The following CORO2A variants were observed in gnomAD, a reference collection of about 807,000 sequenced individuals.
CORO2A encodes coronin-2A.
In CORO2A, 47 loss-of-function variants were observed where a neutral mutation model predicts 62.4. The ratio of observed to expected loss-of-function variants is 0.75; its 90% CI spans 0.60 to 0.96. CORO2A has a LOEUF of 0.96. Ranked by LOEUF, CORO2A falls within the 40% of genes least tolerant of loss-of-function variation. The probability of loss-of-function intolerance (pLI) is 0.00; values close to 1 mark genes in which losing one functional copy is unlikely to be tolerated. For missense variants in CORO2A, 610 were observed against 684.1 expected, an observed-to-expected ratio of 0.89 and a Z score of 1.21; for synonymous variants, 273 against 268.9, an observed-to-expected ratio of 1.02 and a Z score of -0.15.
In CORO2A at chr9:98,134,881, G is replaced by C. The variant is rs777743903; in HGVS notation, c.393C>G (p.His131Gln). The C allele has an allele frequency of 2.5e-6, 4 of 1,614,144 alleles. No individual in the cohort carries two copies. The Admixed American group carries it at 6.7e-5, about 27-fold the overall frequency. The change falls in exon 4 of 12, where the codon CAC (histidine) becomes CAG (glutamine). Residue 131 changes from histidine (H) to glutamine (Q), a missense_variant. Transcript: ENST00000375077. ...LTAYRKELVG[H>Q]ARRVGLVEWH... ...ACTCCACCAGGCCTACTCTGCGCGC[G>C]TGGCCCACGAGTTCCTTCCTGTAGG... is the stretch of plus-strand genomic sequence containing the variant.
chr9:98,183,668 C>A (rs1388088334), intron 1 of CORO2A, among the ~76,000 whole-genome samples: 5 of 152,112 alleles, frequency 3.3e-5, no homozygotes, highest in African/African-American at 1.2e-4. Context: ...TTTAAAAATA[C>A]AGTACAATGG....
At chr9:98,187,721 C>A (rs1326648602) in intron 1 of CORO2A, among the ~76,000 whole-genome samples, 1 of 152,148 alleles carries the variant, frequency 6.6e-6, no homozygotes, top group Non-Finnish European at 1.5e-5. Flanking sequence ...AAAGCCCCAC[C>A]TCTTAATACC....
At chr9:98,139,691 G>A (rs959499297) in intron 2 of CORO2A, among the ~76,000 whole-genome samples, 3 of 152,214 alleles carry the variant, frequency 2.0e-5, no homozygotes, top group Non-Finnish European at 2.9e-5. Flanking sequence ...AGCTACTTGG[G>A]AGGCTGAGGT....
chr9:98,134,267 G>C (rs1271952309), intron 4 of CORO2A, among the ~76,000 whole-genome samples: 1 of 152,186 alleles, frequency 6.6e-6, no homozygotes, highest in African/African-American at 2.4e-5. Flanking sequence ...CTCCTGTACT[G>C]TGGGTCCCAA....
intron 1 of CORO2A, among the ~76,000 whole-genome samples, chr9:98,190,015 G>A (rs1828287143): frequency 6.6e-6 from 1 of 152,128 alleles, no homozygotes; most frequent in African/African-American, 2.4e-5. Context: ...CTCCCGAGTA[G>A]CTGGGATTAC....
intron 3 of CORO2A, among the ~76,000 whole-genome samples, chr9:98,137,339 T>A (rs911180635): frequency 1.6e-4 from 24 of 152,220 alleles, no homozygotes; most frequent in African/African-American, 5.1e-4. Flanking sequence ...GGAACTATTA[T>A]GCCCATTTTA....
intron 2 of CORO2A, among the ~76,000 whole-genome samples, chr9:98,150,536 C>G (rs1425001609): frequency 6.6e-6 from 1 of 152,206 alleles, no homozygotes; most frequent in Non-Finnish European, 1.5e-5. Context: ...CCCAGACCAT[C>G]CTGCCTAAAC....
intron 1 of CORO2A, among the ~76,000 whole-genome samples, chr9:98,168,273 C>A (rs1827987600): frequency 6.6e-6 from 1 of 152,254 alleles, no homozygotes; most frequent in Admixed American, 6.5e-5. Context: ...GAACAAAGTT[C>A]TGATGGACAG....
chr9:98,153,286 A>G (rs531031993), intron 2 of CORO2A, among the ~76,000 whole-genome samples: 1 of 152,234 alleles, frequency 6.6e-6, no homozygotes, highest in Admixed American at 6.5e-5. Context: ...TTTTTAGTAG[A>G]GACGGAGTTT....
At chr9:98,166,398 T>C (rs1282363619) in intron 1 of CORO2A, among the ~76,000 whole-genome samples, 2 of 152,216 alleles carry the variant, frequency 1.3e-5, no homozygotes, top group African/African-American at 4.8e-5. Flanking sequence ...TGTGTGTATT[T>C]AAGGATACTA....
intron 1 of CORO2A, among the ~76,000 whole-genome samples, chr9:98,172,275 T>A (rs1828047747): frequency 1.7e-5 from 2 of 118,942 alleles, no homozygotes; most frequent in Non-Finnish European, 1.7e-5. Flanking sequence ...CACACCCCAC[T>A]TCTGAGCTCG....
intron 1 of CORO2A, among the ~76,000 whole-genome samples, chr9:98,187,815 C>A (rs1339716872): frequency 6.6e-6 from 1 of 152,176 alleles, no homozygotes; most frequent in African/African-American, 2.4e-5. Context: ...AGGAATCACA[C>A]CAATATTCAA....
At chr9:98,183,965 A>G (rs1048563657) in intron 1 of CORO2A, among the ~76,000 whole-genome samples, 2 of 152,234 alleles carry the variant, frequency 1.3e-5, no homozygotes, top group African/African-American at 4.8e-5. Context: ...TGTCTTAAAA[A>G]TATGTATATA....
At chr9:98,163,741 T>TGTGAGAGA (rs1253283361) in intron 1 of CORO2A, among the ~76,000 whole-genome samples, 39 of 139,626 alleles carry the variant, frequency 2.8e-4, no homozygotes, top group African/African-American at 1.1e-3. Flanking sequence ...TGTGTGTGTG[T>TGTGAGAGA]GAGAGAGAGA....
chr9:98,181,870 A>C (rs1175404050), intron 1 of CORO2A, among the ~76,000 whole-genome samples: 1 of 152,154 alleles, frequency 6.6e-6, no homozygotes, highest in Non-Finnish European at 1.5e-5. Context: ...GCAACAAAGA[A>C]AACCATACAA....
intron 1 of CORO2A, among the ~76,000 whole-genome samples, chr9:98,165,621 G>A (rs1360158537): frequency 6.6e-6 from 1 of 152,222 alleles, no homozygotes; most frequent in East Asian, 1.9e-4. Context: ...CTGCTAACAT[G>A]CAGGGCAGTG....
At chr9:98,151,675 T>G (rs907793129) in intron 2 of CORO2A, among the ~76,000 whole-genome samples, 31 of 152,300 alleles carry the variant, frequency 2.0e-4, no homozygotes, top group African/African-American at 5.3e-4. Context: ...CTATTTTTCT[T>G]TTTTTGAGAC....
chr9:98,184,278 G>A (rs188672269), intron 1 of CORO2A, among the ~76,000 whole-genome samples: 2 of 151,490 alleles, frequency 1.3e-5, no homozygotes, highest in African/African-American at 4.8e-5. Flanking sequence ...TGCCCAGGCT[G>A]GTCTCAAACT....
chr9:98,173,628 T>C (rs1410404339), intron 1 of CORO2A, among the ~76,000 whole-genome samples: 1 of 152,212 alleles, frequency 6.6e-6, no homozygotes, highest in Non-Finnish European at 1.5e-5. Flanking sequence ...CTCCTTCTCA[T>C]GGTGCTCCAC....
Sources: gnomAD v4.1 joint callset for allele counts (sites outside exome capture counted in the v4.1 genomes callset) on GRCh38, gnomAD v4.1.1 for gene constraint, MANE v1.5 for transcripts, NCBI Gene and HGNC (gene_info 2026-07-23, HGNC 2026-07-21) for gene names.